Variants in PCNX4 observed in about 807,000 individuals in gnomAD.
PCNX4 encodes the protein pecanex 4.
A neutral mutation model predicts 107.2 loss-of-function variants in PCNX4; 103 were observed. The ratio of observed to expected loss-of-function variants is 0.96; its 90% confidence interval spans 0.82 to 1.13. The LOEUF is 1.13. Among genes scored for constraint, PCNX4 ranks in the 50% most tolerant of loss-of-function variants. The pLI, the probability that PCNX4 is intolerant of heterozygous loss-of-function variation, is 0.00. For missense variants in PCNX4, 1,528 were observed against 1,379.4 expected, an observed-to-expected ratio of 1.11 and a Z score of -1.71; for synonymous variants, 541 against 481.7, an observed-to-expected ratio of 1.12 and a Z score of -1.61.
At chr14:60,093,514 G>A (rs1895353185) in intron 1 of PCNX4, among the ~76,000 whole-genome samples, 1 of 152,184 alleles carries the variant, frequency 6.6e-6, no homozygotes, top group Non-Finnish European at 1.5e-5. Flanking sequence ...CAGCCATGTT[G>A]TAGAATGTAT....
Position 60,124,481 on chromosome 14 carries a change from A to T in PCNX4, c.2310A>T (p.Gln770His), listed in dbSNP as rs3742642. The T allele has an allele frequency of 8.1e-3, 13,026 of 1,613,802 alleles. 777 individuals are homozygous for T. In the East Asian group the frequency reaches 0.17, roughly 21 times the overall value. ...AAGTACTTGTGTGGATACTTGTTCA[A>T]TACTGCTCCAAAAGGCCTGGCATGA... ...LIKVLVWILV[Q>H]YCSKRPGMKE... The change falls in exon 9 of 11, where the codon CAA (glutamine) becomes CAT (histidine). Residue 770 changes from glutamine to histidine, a missense_variant. Transcript: ENST00000406854.
chr14:60,115,128 G>A lies in PCNX4; in HGVS notation c.1024G>A (p.Asp342Asn). The change falls in exon 4 of 11, where the codon GAT (aspartate) becomes AAT (asparagine). Residue 342 changes from aspartate to asparagine, a missense_variant. Coordinates refer to ENST00000406854, the MANE Select transcript of PCNX4 (RefSeq NM_001330177.2). ...TCACAAAATTGGAACCAAATCTAAG[G>A]ATTTACCCAGTGGTCCGGAAAAACA... The part of the protein sequence containing the change: ...MGHKIGTKSK[D>N]LPSGPEKHFS... 1.9e-6 allele frequency: 3 copies of A among 1,613,740 alleles called. No homozygotes were observed. The South Asian group carries it at 3.3e-5, about 18-fold the overall frequency.
chr14:60,115,097 T>TA lies in PCNX4; in HGVS notation c.994dup (p.Met332AsnfsTer10), dbSNP rs1895818821. On this transcript the variant is annotated frameshift_variant, in exon 4 of 11. Transcript: ENST00000406854. LOFTEE classifies it high-confidence loss of function. ...TCTTGCTGAGTCTGAACTTAAGTGA[T>TA]ATGGGTCACAAAATTGGAACCAAAT... The TA allele has an allele frequency of 1.9e-6, 3 of 1,613,824 alleles. No homozygotes were observed. The highest frequency in any genetic ancestry group is 1.7e-5 in the Admixed American group (1 of 60,012).
chr14:60,115,217 C>G lies in PCNX4; in HGVS notation c.1113C>G (p.Ser371Arg), dbSNP rs150687. The change falls in exon 4 of 11, where the codon AGC becomes AGG. Residue 371 changes from serine to arginine, a missense_variant. Physicochemically the swap from Ser to Arg is moderately radical, Grantham distance 110 (BLOSUM62 -1). Transcript: ENST00000406854. ...IILVLALLETSLLHHFAGFSQ... is the reference protein window; with the variant it reads ...IILVLALLETRLLHHFAGFSQ... Reference sequence around the variant, plus strand: ...TAGTCTTGGCTCTTTTAGAAACTAGCTTGCTTCATCACTTTGCTGGCTTCT... The same window carrying G: ...TAGTCTTGGCTCTTTTAGAAACTAGGTTGCTTCATCACTTTGCTGGCTTCT... 18 of 1,613,420 alleles carry G rather than the reference C, an allele frequency of 1.1e-5. No individual in the cohort carries two copies. Among genetic ancestry groups the G allele is most frequent in the South Asian group, 9.9e-5 (9 of 91,066 alleles).
In PCNX4 at chr14:60,115,134, C is replaced by G; in HGVS notation, c.1030C>G (p.Pro344Ala). The change falls in exon 4 of 11, where the codon CCC (proline) becomes GCC (alanine). Residue 344 changes from proline to alanine, a missense_variant. Transcript: ENST00000406854. ...HKIGTKSKDL[P>A]SGPEKHFSWK... ...AATTGGAACCAAATCTAAGGATTTA[C>G]CCAGTGGTCCGGAAAAACATTTTTC... The G allele has an allele frequency of 6.2e-7, 1 of 1,613,640 alleles. No individual in the cohort carries two copies.
At position 60,147,598 on chromosome 14, in the gene PCNX4, A is replaced by G. The variant is rs1403645357; in HGVS notation, c.*13377A>G. Reference sequence around the variant, plus strand: ...GCTGAGAAGGGGGAAAAAGCACAATAGCTAACACTTAGAACACTCCAAGTT... The same window carrying G: ...GCTGAGAAGGGGGAAAAAGCACAATGGCTAACACTTAGAACACTCCAAGTT... On this transcript the variant is annotated 3_prime_UTR_variant, in exon 11 of 11. Coordinates refer to ENST00000406854, the MANE Select transcript of PCNX4 (RefSeq NM_001330177.2). The G allele has an allele frequency of 3.3e-5, 5 of 152,214 alleles. No homozygotes were observed. Among genetic ancestry groups the G allele is most frequent in the Non-Finnish European group, 7.3e-5 (5 of 68,044 alleles). 9.4% of individuals were successfully genotyped at this position (152,214 alleles called of 1,614,324 possible).
intron 10 of PCNX4, among the ~76,000 whole-genome samples, chr14:60,126,735 C>T (rs955039675): frequency 8.5e-5 from 13 of 152,162 alleles, no homozygotes; most frequent in African/African-American, 2.9e-4. Flanking sequence ...AGGCTGGATT[C>T]CAGGCATGTG....
chr14:60,126,571 A>G (rs1056476769), intron 10 of PCNX4, among the ~76,000 whole-genome samples: 2 of 152,178 alleles, frequency 1.3e-5, no homozygotes, highest in African/African-American at 4.8e-5. Context: ...ACCAAGACCT[A>G]CCCTACCTGA....
chr14:60,133,398 A>G (rs988500851), intron 10 of PCNX4, among the ~76,000 whole-genome samples: 2 of 152,168 alleles, frequency 1.3e-5, no homozygotes, highest in African/African-American at 4.8e-5. Context: ...GTCTATAAAG[A>G]TAGAAAGTAT....
rs761147742 is a variant in PCNX4, at chr14:60,108,237, C to T, written c.599C>T (p.Ala200Val). 12 of 1,612,436 alleles carry T rather than the reference C, an allele frequency of 7.4e-6. No homozygotes were observed. The highest frequency in any genetic ancestry group is 5.3e-5 in the African/African-American group (4 of 74,920). The change falls in exon 2 of 11, where the codon GCG becomes GTG. Residue 200 changes from alanine to valine, a missense_variant. By Grantham distance (64) the Ala-to-Val change is moderately conservative (BLOSUM62 0). Coordinates refer to ENST00000406854, the MANE Select transcript of PCNX4 (RefSeq NM_001330177.2). ...SLIVNTATET[A>V]TFQTQDTYEI... ...ATTGTAAACACAGCTACAGAGACTG[C>T]GACTTTCCAAACACAGGATACTTAT...
Position 60,115,299 on chromosome 14 carries a change from C to A in PCNX4, c.1195C>A (p.Leu399Ile), listed in dbSNP as rs1280060913. ...AIVGYGLMIL[L>I]IILWILREIQ... The stretch of plus-strand genomic sequence containing the variant: ...TGTGGGCTATGGTTTGATGATATTA[C>A]TTATAATACTGTGGATACTTAGAGA... The change falls in exon 4 of 11, where the codon CTT (leucine) becomes ATT (isoleucine). Residue 399 changes from leucine (L) to isoleucine (I), a missense_variant. Leu to Ile is a conservative substitution (Grantham distance 5, BLOSUM62 2). Coordinates refer to ENST00000406854, the MANE Select transcript of PCNX4 (RefSeq NM_001330177.2). The A allele has an allele frequency of 1.2e-6, 2 of 1,608,440 alleles. No homozygotes were observed. Among genetic ancestry groups the A allele is most frequent in the Non-Finnish European group, 1.7e-6 (2 of 1,175,916 alleles).
rs1896297310 is a variant in PCNX4, at chr14:60,140,743, TATTTC to T, written c.*6524_*6528del. On this transcript the variant is annotated 3_prime_UTR_variant, in exon 11 of 11. Coordinates refer to ENST00000406854, the MANE Select transcript of PCNX4 (RefSeq NM_001330177.2). The surrounding 1 kb of genome is among the most constrained non-coding windows in gnomAD (Gnocchi z 4.2). The stretch of plus-strand genomic sequence containing the variant: ...TAACAGAATGAAAGGAGAAAAATAA[TATTTC>T]AGTAGATCCAGAAAAAGTATTTGAT... The T allele has an allele frequency of 6.6e-6, 1 of 152,142 alleles. No individual in the cohort carries two copies. The highest frequency in any genetic ancestry group is 1.5e-5 in the Non-Finnish European group (1 of 68,032). 9.4% of individuals were successfully genotyped at this position (152,142 alleles called of 1,614,324 possible).
rs559659919 is a variant in PCNX4, at chr14:60,137,353, C to T, written c.*3132C>T. 2.6e-5 allele frequency: 4 copies of T among 152,174 alleles called. No homozygotes were observed. The highest frequency in any genetic ancestry group is 9.7e-5 in the African/African-American group (4 of 41,448). 9.4% of individuals were successfully genotyped at this position (152,174 alleles called of 1,614,324 possible). A position where few individuals can be genotyped will look rare whatever the true frequency, so the allele number is the denominator to read the frequency against. On this transcript the variant is annotated 3_prime_UTR_variant, in exon 11 of 11. Coordinates refer to ENST00000406854, the MANE Select transcript of PCNX4 (RefSeq NM_001330177.2). ...GGGAAAGGAATCCTAGTTAACTGAC[C>T]ATACATTGGGTTGTGACCCCAAGGA...
intron 9 of PCNX4, 77 bp downstream of exon 9, chr14:60,125,328 C>T (rs1896034857): frequency 1.5e-6 from 2 of 1,321,716 alleles, no homozygotes; most frequent in Non-Finnish European, 2.0e-6. Context: ...TACAAGAAGA[C>T]AGTTATTCGT....
Position 60,134,302 on chromosome 14 carries a change from TGAG to T in PCNX4, c.*84_*86del. ...AAAAGTAACTGTGATTCTTGTAACTTGAGGACTTCTCCACACCCCCATTCAGAT... is the reference window on the plus strand; with the variant it reads ...AAAAGTAACTGTGATTCTTGTAACTTGACTTCTCCACACCCCCATTCAGAT... On this transcript the variant is annotated 3_prime_UTR_variant, in exon 11 of 11. Coordinates refer to ENST00000406854, the MANE Select transcript of PCNX4 (RefSeq NM_001330177.2). 1 of 1,517,234 alleles carries T rather than the reference TGAG, an allele frequency of 6.6e-7. No individual in the cohort carries two copies. The highest frequency in any genetic ancestry group is 9.0e-7 in the Non-Finnish European group (1 of 1,114,910). 94.0% of individuals were successfully genotyped at this position (1,517,234 alleles called of 1,614,324 possible).
At chr14:60,117,735 G>A (rs1458198326) in intron 6 of PCNX4, among the ~76,000 whole-genome samples, 1 of 152,146 alleles carries the variant, frequency 6.6e-6, no homozygotes, top group Non-Finnish European at 1.5e-5. Flanking sequence ...CTTTCCTTGT[G>A]ATATCATTGC....
rs753655500 is a variant in PCNX4, at chr14:60,144,932, C to T, written c.*10711C>T. On this transcript the variant is annotated 3_prime_UTR_variant, in exon 11 of 11. Coordinates refer to ENST00000406854, the MANE Select transcript of PCNX4 (RefSeq NM_001330177.2). ...TGCTGTTTTCATGTTTTCCATTTCT[C>T]CCTCCAGTGGCTTGAAAAGTACAGG... 45 of 1,554,450 alleles carry T rather than the reference C, an allele frequency of 2.9e-5. No homozygotes were observed. The highest frequency in any genetic ancestry group is 3.8e-5 in the Non-Finnish European group (43 of 1,129,094).
intron 1 of PCNX4, among the ~76,000 whole-genome samples, chr14:60,096,242 C>T (rs532643491): frequency 3.3e-5 from 5 of 152,198 alleles, no homozygotes; most frequent in Non-Finnish European, 7.3e-5. Context: ...TGCAGGTCCT[C>T]CCTTGTGCTG....
Position 60,141,066 on chromosome 14 carries a change from A to G in PCNX4, c.*6845A>G, listed in dbSNP as rs2140577508. On this transcript the variant is annotated 3_prime_UTR_variant, in exon 11 of 11. Transcript: ENST00000406854. ...GCAGCCATCCTCTTCCCTTCCTGAA[A>G]GAGTCTGCTTTTACTCTATTCTTGT... is the stretch of plus-strand genomic sequence containing the variant. 2 of 152,366 alleles carry G rather than the reference A, an allele frequency of 1.3e-5. 1 individual carries two copies. The highest frequency in any genetic ancestry group is 4.1e-4 in the South Asian group (2 of 4,828). The allele number at this position is 152,366 out of a possible 1,614,324, so 9.4% of individuals were successfully genotyped here. A position where few individuals can be genotyped will look rare whatever the true frequency, so the allele number is the denominator to read the frequency against.
Sources: allele counts gnomAD v4.1 joint callset (sites outside exome capture counted in the v4.1 genomes callset), GRCh38; gene constraint gnomAD v4.1.1; non-coding constraint Gnocchi (gnomAD v3.1); transcripts MANE v1.5; gene names NCBI Gene and HGNC (gene_info 2026-07-23, HGNC 2026-07-21).